Variants in FMNL3 observed in about 807,000 individuals in gnomAD.
FMNL3 encodes formin like 3, also known as formin-like protein 3.
FMNL3 carries 57 observed loss-of-function variants against 119.6 expected under a neutral mutation model. The observed-to-expected ratio is 0.48, with a 90% CI of 0.39 to 0.59. The LOEUF (loss-of-function observed/expected upper bound fraction) is 0.59. Ranked by LOEUF, FMNL3 falls within the 20% of genes least tolerant of loss-of-function variation. FMNL3 has a pLI of 0.00. For missense variants in FMNL3, 1,053 were observed against 1,323.5 expected (o/e 0.80, Z 3.17); for synonymous variants, 491 against 507.3 (o/e 0.97, Z 0.43).
At chr12:49,651,886 C>T (rs1378347217) in intron 14 of FMNL3, 47 bp downstream of exon 14, 8 of 1,509,592 alleles carry the variant, frequency 5.3e-6, no homozygotes, top group Non-Finnish European at 7.1e-6. Context: ...GTTTTGGTCC[C>T]CACAAAGAGG....
At chr12:49,675,212 C>A (rs1429840323) in intron 1 of FMNL3, among the ~76,000 whole-genome samples, 1 of 152,178 alleles carries the variant, frequency 6.6e-6, no homozygotes, top group South Asian at 2.1e-4. Flanking sequence ...ATACAATCTC[C>A]GATAGGAGCT....
chr12:49,643,645 CT>C lies in FMNL3; in HGVS notation c.*2169del. ...AGGGGCTAGAACAAAGAAAAAGAGC[CT>C]GTCTTTCTCCTGTTGGGACTTAGTA... On this transcript the variant is annotated 3_prime_UTR_variant, in exon 26 of 26. Coordinates refer to ENST00000335154, the MANE Select transcript of FMNL3 (RefSeq NM_175736.5). 1 of 1,581,628 alleles carries C rather than the reference CT, an allele frequency of 6.3e-7. No individual in the cohort carries two copies. Among genetic ancestry groups the C allele is most frequent in the South Asian group, 1.1e-5 (1 of 87,114 alleles).
At chr12:49,675,543 TCTC>T (rs1235772665) in intron 1 of FMNL3, among the ~76,000 whole-genome samples, 1 of 152,160 alleles carries the variant, frequency 6.6e-6, no homozygotes, top group African/African-American at 2.4e-5. Flanking sequence ...CAACTCCCTT[TCTC>T]CTCATACCAA....
intron 4 of FMNL3, among the ~76,000 whole-genome samples, chr12:49,664,915 GCCTGGGCACCCCACCCCCA>G (rs1282609888): frequency 2.0e-5 from 3 of 152,088 alleles, no homozygotes; most frequent in Non-Finnish European, 4.4e-5. Context: ...CTGTCAGGAA[GCCTGGGCACCCCACCCCCA>G]CCTGGGCCTC....
intron 3 of FMNL3, 34 bp from the exon 4 acceptor site, chr12:49,665,942 G>A (rs1943878982): frequency 6.2e-7 from 1 of 1,609,524 alleles, no homozygotes; most frequent in Non-Finnish European, 8.5e-7. Flanking sequence ...GGGAATACAA[G>A]AGGGCAGTTA....
In FMNL3 at chr12:49,643,125, C is replaced by T; in HGVS notation, c.*2690G>A. On this transcript the variant is annotated 3_prime_UTR_variant, in exon 26 of 26. Coordinates refer to ENST00000335154, the MANE Select transcript of FMNL3 (RefSeq NM_175736.5). ...CCCTTGGAGGGAAGTTTGAGGATTC[C>T]TTTGGCCCTGGGTCCTCCTCCTCTC... 1 of 1,588,028 alleles carries T rather than the reference C, an allele frequency of 6.3e-7. No homozygotes were observed. Among genetic ancestry groups the T allele is most frequent in the East Asian group, 2.2e-5 (1 of 44,716 alleles).
intron 5 of FMNL3, chr12:49,659,813 C>A (rs1317254415): frequency 2.0e-6 from 2 of 985,326 alleles, no homozygotes; most frequent in Admixed American, 6.1e-5. Context: ...AGGATATACC[C>A]CTCTGAGAAA....
At chr12:49,653,385 G>T in intron 12 of FMNL3, 58 bp from the exon 13 acceptor site, 2 of 1,560,576 alleles carry the variant, frequency 1.3e-6, no homozygotes, top group South Asian at 1.1e-5. Context: ...ACTCAGCACA[G>T]CCTGAACCCT....
intron 1 of FMNL3, among the ~76,000 whole-genome samples, chr12:49,697,046 G>A (rs1944769434): frequency 6.6e-6 from 1 of 152,220 alleles, no homozygotes; most frequent in African/African-American, 2.4e-5. Context: ...AGGGGAAATA[G>A]GGACCACAGG....
chr12:49,691,755 C>A lies in FMNL3; in HGVS notation c.126+15300G>T, dbSNP rs56719680. ...CCCCCCATTAAAAGTTGGGTCTGGCCAGGTGCGGTGGCTCACGCCTATAAT... is the reference window on the plus strand; with the variant it reads ...CCCCCCATTAAAAGTTGGGTCTGGCAAGGTGCGGTGGCTCACGCCTATAAT... On this transcript the variant is annotated intron_variant, in intron 1 of 25. Transcript: ENST00000335154. 9.5e-3 allele frequency among the ~76,000 whole-genome samples: 1,436 copies of A among 151,434 alleles called. 14 individuals carry two copies. The highest frequency in any genetic ancestry group is 0.033 in the African/African-American group (1,356 of 41,264).
rs564321065 is a variant in FMNL3 at position 49,638,597 on chromosome 12, G to C, written c.*7218C>G. 3 of 152,292 alleles carry C rather than the reference G, an allele frequency of 2.0e-5. No homozygotes were observed. Among genetic ancestry groups the C allele is most frequent in the East Asian group, 3.9e-4 (2 of 5,186 alleles). 9.4% of individuals were successfully genotyped at this position (152,292 alleles called of 1,614,324 possible). Reference sequence around the variant, plus strand: ...GTGAGTGAGTGATGGACTAAACCTTGTGTTCCAAAAGAAAAAAACAAAGAG... The same window carrying C: ...GTGAGTGAGTGATGGACTAAACCTTCTGTTCCAAAAGAAAAAAACAAAGAG... On this transcript the variant is annotated 3_prime_UTR_variant, in exon 26 of 26. Transcript: ENST00000335154.
chr12:49,648,293 C>A lies in FMNL3; in HGVS notation c.2576G>T (p.Arg859Leu). The change falls in exon 22 of 26, where the codon CGG (arginine) becomes CTG (leucine). Residue 859 changes from arginine (R) to leucine (L), a missense_variant. Arg to Leu is a moderately radical substitution (Grantham distance 102). Coordinates refer to ENST00000335154, the MANE Select transcript of FMNL3 (RefSeq NM_175736.5). ...GTTGTCATGGATGCTGCACTCACGC[C>A]GAATCAGCTCCATGCCCCGGCCCAG... The part of the protein sequence containing the change: ...KELGRGMELI[R>L]RECSIHDNSV... 1 of 1,613,670 alleles carries A rather than the reference C, an allele frequency of 6.2e-7. No individual in the cohort carries two copies. The highest frequency in any genetic ancestry group is 8.5e-7 in the Non-Finnish European group (1 of 1,179,836).
In FMNL3 at chr12:49,637,465, C is replaced by G. The variant is rs756016041; in HGVS notation, c.*8350G>C. 1 of 1,611,030 alleles carries G rather than the reference C, an allele frequency of 6.2e-7. No homozygotes were observed. The highest frequency in any genetic ancestry group is 2.2e-5 in the East Asian group (1 of 44,866). ...TCTCCCTATAACTGGCCTCTCCCTGCTCAGACCTTCCTGGACGAGCTGCAT... is the reference window on the plus strand; with the variant it reads ...TCTCCCTATAACTGGCCTCTCCCTGGTCAGACCTTCCTGGACGAGCTGCAT... On this transcript the variant is annotated 3_prime_UTR_variant, in exon 26 of 26. Transcript: ENST00000335154.
intron 1 of FMNL3, among the ~76,000 whole-genome samples, chr12:49,672,224 C>A (rs1944064646): frequency 6.6e-6 from 1 of 152,152 alleles, no homozygotes; most frequent in Non-Finnish European, 1.5e-5. Context: ...AATCCATTAT[C>A]CCTTCACTGA....
intron 1 of FMNL3, among the ~76,000 whole-genome samples, chr12:49,673,174 G>C (rs1466224839): frequency 6.6e-6 from 1 of 152,188 alleles, no homozygotes; most frequent in Non-Finnish European, 1.5e-5. Flanking sequence ...CTGAGAAACT[G>C]AATCTAGAAC....
At position 49,645,891 on chromosome 12, in the gene FMNL3, TG is replaced by T. The variant is rs376781936; in HGVS notation, c.3007del (p.Gln1003SerfsTer159). On this transcript the variant is annotated frameshift_variant, in exon 26 of 26. Transcript: ENST00000335154. LOFTEE classifies it high-confidence loss of function. ...IEDIITGLHC[Q>X]PMVVRHQARS... ...GGCTTGGTGGCGAACAACCATAGGC[TG>T]GCAGTGGAGGCCTGTGGGGGAAGAG... 28 of 1,612,454 alleles carry T rather than the reference TG, an allele frequency of 1.7e-5. No homozygotes were observed. The East Asian group carries it at 3.8e-4, about 22-fold the overall frequency.
chr12:49,656,058 A>G (rs1943559263), intron 9 of FMNL3, among the ~76,000 whole-genome samples: 1 of 151,906 alleles, frequency 6.6e-6, no homozygotes, highest in South Asian at 2.1e-4. Context: ...ACTTAAGTAC[A>G]TATACTCAGG....
rs1264732994 is a variant in FMNL3, at chr12:49,641,802, T to A, written c.*4013A>T. ...GCAGACCACAGTCCTGTGGATCTCT[T>A]CCAGAGGCAAGGGCCTTCTTGACCA... On this transcript the variant is annotated 3_prime_UTR_variant, in exon 26 of 26. Coordinates refer to ENST00000335154, the MANE Select transcript of FMNL3 (RefSeq NM_175736.5). The A allele has an allele frequency of 2.2e-6, 2 of 895,930 alleles. No homozygotes were observed. Among genetic ancestry groups the A allele is most frequent in the African/African-American group, 3.3e-5 (2 of 61,098 alleles). The allele number at this position is 895,930 out of a possible 1,614,324, so 55.5% of individuals were successfully genotyped here. A position where few individuals can be genotyped will look rare whatever the true frequency, so the allele number is the denominator to read the frequency against.
rs772513337 is a variant in FMNL3, at chr12:49,644,081, T to C, written c.*1734A>G. On this transcript the variant is annotated 3_prime_UTR_variant, in exon 26 of 26. Coordinates refer to ENST00000335154, the MANE Select transcript of FMNL3 (RefSeq NM_175736.5). ...CCCTTAGTGCAGGCTAAGGGTGAACTGTGCCTTTGCTCCAACAGACAGGCT... is the reference window on the plus strand; with the variant it reads ...CCCTTAGTGCAGGCTAAGGGTGAACCGTGCCTTTGCTCCAACAGACAGGCT... 5 of 1,614,210 alleles carry C rather than the reference T, an allele frequency of 3.1e-6. No homozygotes were observed. The South Asian group carries it at 3.3e-5, about 11-fold the overall frequency.
Sources: allele counts gnomAD v4.1 joint callset (sites outside exome capture counted in the v4.1 genomes callset), GRCh38; gene constraint gnomAD v4.1.1; transcripts MANE v1.5; gene names NCBI Gene and HGNC (gene_info 2026-07-23, HGNC 2026-07-21).